The following APBA2 variants were observed in gnomAD, a reference collection of about 807,000 sequenced individuals.
APBA2 encodes amyloid-beta A4 precursor protein-binding family A member 2.
In APBA2, 30 loss-of-function variants were observed where a neutral mutation model predicts 75.0. The observed-to-expected ratio is 0.40, with a 90% CI of 0.30 to 0.54. APBA2 has a LOEUF of 0.54. APBA2 is among the 20% of genes least tolerant of loss of function. APBA2 has a pLI of 0.49. For synonymous variants in APBA2, 444 were observed against 409.6 expected (o/e 1.08, Z -1.01); for missense variants, 801 against 1,016.1 (o/e 0.79, Z 2.88).
At chr15:29,105,678 G>T in intron 11 of APBA2, 120 bp downstream of exon 11, 2 of 1,078,222 alleles carry the variant, frequency 1.9e-6, no homozygotes, top group Non-Finnish European at 2.8e-6. Context: ...TCAGACTCCA[G>T]TGGGGCCCGG....
At chr15:29,071,513 C>T (rs901755641) in intron 4 of APBA2, among the ~76,000 whole-genome samples, 9 of 151,050 alleles carry the variant, frequency 6.0e-5, no homozygotes, top group African/African-American at 9.7e-5. Flanking sequence ...GGAGTTGAGG[C>T]GACCCTGGCT....
chr15:28,982,817 G>C (rs1028931674), intron 2 of APBA2, among the ~76,000 whole-genome samples: 2 of 152,224 alleles, frequency 1.3e-5, no homozygotes, highest in Non-Finnish European at 2.9e-5. Context: ...ACCTGGCAGG[G>C]CTGCCTACAG....
At chr15:29,049,418 A>T (rs2041492632) in intron 3 of APBA2, among the ~76,000 whole-genome samples, 1 of 152,010 alleles carries the variant, frequency 6.6e-6, no homozygotes, top group South Asian at 2.1e-4. Flanking sequence ...AAGAGGTTTG[A>T]CCCCTCCCAT....
intron 2 of APBA2, among the ~76,000 whole-genome samples, chr15:28,934,754 C>G (rs533282198): frequency 6.6e-6 from 1 of 152,180 alleles, no homozygotes; most frequent in Non-Finnish European, 1.5e-5. Context: ...TTGGTAAGCT[C>G]GGTCACCCAG....
intron 3 of APBA2, among the ~76,000 whole-genome samples, chr15:29,015,704 C>T (rs1344084308): frequency 2.0e-5 from 3 of 152,216 alleles, no homozygotes; most frequent in Non-Finnish European, 4.4e-5. Context: ...AATCCACTCA[C>T]TGTTTGGAAA....
chr15:28,895,714 A>C (rs145047903), intron 1 of APBA2: 1 of 152,094 alleles, frequency 6.6e-6, no homozygotes, highest in Admixed American at 6.6e-5. Context: ...TGTCCACCTC[A>C]TTATCTCTGT....
intron 3 of APBA2, among the ~76,000 whole-genome samples, chr15:29,041,484 G>GA (rs56701766): frequency 0.07 from 4,208 of 60,068 alleles, 185 homozygotes; most frequent in African/African-American, 0.19. Flanking sequence ...CCCTGTCTCA[G>GA]AAAAAAAAAA....
intron 3 of APBA2, among the ~76,000 whole-genome samples, chr15:29,007,091 C>T (rs971109597): frequency 1.3e-5 from 2 of 152,134 alleles, no homozygotes; most frequent in Non-Finnish European, 2.9e-5. Flanking sequence ...AGTAGACAGC[C>T]CCCAAGTAAA....
At chr15:28,936,916 C>T (rs79447615) in intron 2 of APBA2, among the ~76,000 whole-genome samples, 4,755 of 152,226 alleles carry the variant, frequency 0.031, 256 homozygotes, top group African/African-American at 0.11. Context: ...TGGCCTCTAC[C>T]GGGAGCCCTG....
Position 29,113,996 on chromosome 15 carries a change from C to G in APBA2, c.2158C>G (p.Leu720Val). ...ATAHEKIVQA[L>V]SNSVGEIHMK... Reference sequence around the variant, plus strand: ...AGCCCACGAGAAGATAGTCCAAGCTCTGTCCAACTCGGTCGGAGAGGTAAG... The same window carrying G: ...AGCCCACGAGAAGATAGTCCAAGCTGTGTCCAACTCGGTCGGAGAGGTAAG... The change falls in exon 14 of 15, where the codon CTG (leucine) becomes GTG (valine). Residue 720 changes from leucine (L) to valine (V), a missense_variant. Leu to Val is a conservative substitution (Grantham distance 32). Transcript: ENST00000683413. 6.2e-7 allele frequency: 1 copy of G among 1,613,880 alleles called. No individual in the cohort carries two copies. The highest frequency in any genetic ancestry group is 8.5e-7 in the Non-Finnish European group (1 of 1,180,038).
chr15:28,975,677 A>T (rs185886787), intron 2 of APBA2, among the ~76,000 whole-genome samples: 2 of 152,266 alleles, frequency 1.3e-5, no homozygotes, highest in Non-Finnish European at 2.9e-5. Flanking sequence ...CTGCTTTCGC[A>T]TGATGGGGGA....
chr15:28,994,354 G>A (rs1221539120), intron 2 of APBA2, among the ~76,000 whole-genome samples: 1 of 152,132 alleles, frequency 6.6e-6, no homozygotes, highest in Non-Finnish European at 1.5e-5. Flanking sequence ...TTTGTGTGGT[G>A]CTCACTTTGG....
chr15:28,942,805 G>C (rs999025810), intron 2 of APBA2, among the ~76,000 whole-genome samples: 3 of 152,212 alleles, frequency 2.0e-5, no homozygotes, highest in Non-Finnish European at 4.4e-5. Context: ...TTGTGTGGCT[G>C]CCTCTTCCCT....
intron 1 of APBA2, among the ~76,000 whole-genome samples, chr15:28,908,076 C>T (rs1160294229): frequency 2.6e-5 from 4 of 152,206 alleles, no homozygotes; most frequent in Admixed American, 6.5e-5. Context: ...GGCCTGTGCC[C>T]GTGACCTGGC....
At chr15:29,114,427 C>T (rs1252610868) in intron 14 of APBA2, among the ~76,000 whole-genome samples, 1 of 152,186 alleles carries the variant, frequency 6.6e-6, no homozygotes, top group Non-Finnish European at 1.5e-5. Context: ...TTCTTTCTGG[C>T]ATCGCTTCCA....
chr15:28,941,951 C>T (rs1014878252), intron 2 of APBA2, among the ~76,000 whole-genome samples: 5 of 152,164 alleles, frequency 3.3e-5, no homozygotes, highest in African/African-American at 1.2e-4. Flanking sequence ...AGTAGAGACA[C>T]GGTTTGACCG....
At position 29,106,663 on chromosome 15, in the gene APBA2, C is replaced by T. The variant is rs1438423899; in HGVS notation, c.1761C>T (p.Gly587=). 4 of 1,612,976 alleles carry T rather than the reference C, an allele frequency of 2.5e-6. No individual in the cohort carries two copies. Among genetic ancestry groups the T allele is most frequent in the Admixed American group, 1.7e-5 (1 of 60,002 alleles). The change falls in exon 12 of 15, where the codon GGC becomes GGT. Residue 587 remains glycine, a synonymous_variant. Coordinates refer to ENST00000683413, the MANE Select transcript of APBA2 (RefSeq NM_001353788.2). ...TGGGCGTGGTGGTGGTGGAGTCGGG[C>T]TGGGGCTCCATCCTGCCCACGGTGA... ...EILGVVVVES[G]WGSILPTVIL...
At chr15:28,970,042 T>A (rs2036982622) in intron 2 of APBA2, among the ~76,000 whole-genome samples, 1 of 152,192 alleles carries the variant, frequency 6.6e-6, no homozygotes, top group African/African-American at 2.4e-5. Flanking sequence ...CTTGGCCTCT[T>A]GTCTGTTCTT....
chr15:28,901,341 C>T (rs1879701974), intron 1 of APBA2, among the ~76,000 whole-genome samples: 1 of 152,142 alleles, frequency 6.6e-6, no homozygotes, highest in African/African-American at 2.4e-5. Flanking sequence ...CCCGCCCCAC[C>T]CTCCCAGATC....
Sources: allele counts gnomAD v4.1 joint callset (sites outside exome capture counted in the v4.1 genomes callset), GRCh38; gene constraint gnomAD v4.1.1; transcripts MANE v1.5; gene names NCBI Gene and HGNC (gene_info 2026-07-23, HGNC 2026-07-21).